The following LNPEP variants were observed in gnomAD, a reference collection of about 807,000 sequenced individuals.
LNPEP encodes the protein leucyl and cystinyl aminopeptidase, also known as leucyl-cystinyl aminopeptidase.
In LNPEP, 64 loss-of-function variants were observed where a neutral mutation model predicts 120.6. The observed-to-expected ratio is 0.53, with a 90% CI of 0.43 to 0.65. LNPEP has a LOEUF of 0.65. Ranked by LOEUF, LNPEP falls within the 30% of genes least tolerant of loss-of-function variation. The pLI is 0.00. For synonymous variants in LNPEP, 435 were observed against 425.4 expected, an observed-to-expected ratio of 1.02 and a Z score of -0.28; for missense variants, 1,057 against 1,200.0, an observed-to-expected ratio of 0.88 and a Z score of 1.76.
Position 96,979,119 on chromosome 5 carries a change from T to C in LNPEP, c.20-19T>C. The C allele has an allele frequency of 6.4e-7, 1 of 1,569,948 alleles. No individual in the cohort carries two copies. Among genetic ancestry groups the C allele is most frequent in the Non-Finnish European group, 8.6e-7 (1 of 1,160,518 alleles). On this transcript the variant is annotated intron_variant, in intron 1 of 17. Coordinates refer to ENST00000231368, the MANE Select transcript of LNPEP (RefSeq NM_005575.3). ...TTTTTTCTAACTCTGTGCCTTGTTC[T>C]TATGTTTTGGTTTTTTAGATCGGCT...
chr5:97,019,738 T>A (rs1011203524), intron 13 of LNPEP, among the ~76,000 whole-genome samples: 1 of 152,188 alleles, frequency 6.6e-6, no homozygotes, highest in African/African-American at 2.4e-5. Context: ...ATTTTTTTTT[T>A]AAATAAGATT....
In LNPEP at chr5:97,026,601, C is replaced by G. The variant is rs1791345961; in HGVS notation, c.2724-16C>G. ...TGAATAATAATTTTGGAGGCTAAATCTGCTTTGCTCTTCAGGTTAATGAAA... is the reference window on the plus strand; with the variant it reads ...TGAATAATAATTTTGGAGGCTAAATGTGCTTTGCTCTTCAGGTTAATGAAA... On this transcript the variant is annotated splice_polypyrimidine_tract_variant and intron_variant, in intron 15 of 17. Transcript: ENST00000231368. 1 of 1,602,252 alleles carries G rather than the reference C, an allele frequency of 6.2e-7. No individual in the cohort carries two copies. Among genetic ancestry groups the G allele is most frequent in the East Asian group, 2.2e-5 (1 of 44,774 alleles).
chr5:96,996,429 C>A lies in LNPEP; in HGVS notation c.1447C>A (p.Leu483Ile), dbSNP rs199746447. The change falls in exon 7 of 18, where the codon CTA becomes ATA. Residue 483 changes from leucine to isoleucine, a missense_variant. Transcript: ENST00000231368. ...NLVTMKWWND[L>I]WLNEGFATFM... Reference sequence around the variant, plus strand: ...GGTAACAATGAAGTGGTGGAATGACCTATGGCTAAATGAAGGTTTTGCCAC... The same window carrying A: ...GGTAACAATGAAGTGGTGGAATGACATATGGCTAAATGAAGGTTTTGCCAC... 1.6e-5 allele frequency: 26 copies of A among 1,611,940 alleles called. No individual in the cohort carries two copies. The East Asian group carries it at 5.6e-4, about 35-fold the overall frequency.
intron 8 of LNPEP, among the ~76,000 whole-genome samples, chr5:97,002,257 G>A (rs1267456456): frequency 6.6e-6 from 1 of 152,182 alleles, no homozygotes; most frequent in Non-Finnish European, 1.5e-5. Flanking sequence ...CTTTTGAGGA[G>A]TTTTACTACA....
intron 1 of LNPEP, among the ~76,000 whole-genome samples, chr5:96,952,781 A>G (rs1426123437): frequency 6.9e-6 from 1 of 145,026 alleles, no homozygotes; most frequent in Admixed American, 6.9e-5. Flanking sequence ...CCAACACCCC[A>G]GCCCCTCAAC....
At chr5:97,016,730 A>AT (rs907149621) in intron 13 of LNPEP, among the ~76,000 whole-genome samples, 13 of 152,014 alleles carry the variant, frequency 8.6e-5, no homozygotes, top group East Asian at 3.8e-4. Flanking sequence ...AACTTAAGAG[A>AT]TTTTTTTTAT....
At chr5:96,996,830 T>C (rs566057451) in intron 7 of LNPEP, among the ~76,000 whole-genome samples, 1 of 152,200 alleles carries the variant, frequency 6.6e-6, no homozygotes, top group East Asian at 1.9e-4. Context: ...AGTTGCAAAG[T>C]CTAATTAAAA....
Position 96,985,169 on chromosome 5 carries a change from T to A in LNPEP, c.950T>A (p.Ile317Asn). 6.2e-7 allele frequency: 1 copy of A among 1,613,916 alleles called. No homozygotes were observed. Among genetic ancestry groups the A allele is most frequent in the Non-Finnish European group, 8.5e-7 (1 of 1,179,844 alleles). ...DEPAFKATFI[I>N]KIIRDEQYTA... is the part of the protein sequence containing the mutation. Reference sequence around the variant, plus strand: ...CCAGCATTTAAAGCCACTTTTATCATCAAGATCATAAGGGATGAGCAATAC... The same window carrying A: ...CCAGCATTTAAAGCCACTTTTATCAACAAGATCATAAGGGATGAGCAATAC... Residue 317 changes from isoleucine (I) to asparagine (N), a missense_variant, in exon 3 of 18, where the codon ATC becomes AAC. Coordinates refer to ENST00000231368, the MANE Select transcript of LNPEP (RefSeq NM_005575.3).
chr5:97,003,491 A>G lies in LNPEP; in HGVS notation c.1730A>G (p.His577Arg), dbSNP rs756373927. 25 of 1,608,224 alleles carry G rather than the reference A, an allele frequency of 1.6e-5. No individual in the cohort carries two copies. The highest frequency in any genetic ancestry group is 2.1e-5 in the Non-Finnish European group (25 of 1,176,082). The stretch of plus-strand genomic sequence containing the variant: ...CAACATGCTGTTGTCCTTTACCTGC[A>G]TAATCACAGCTATGCATCTATTCAA... ...VFQHAVVLYLHNHSYASIQSD... is the reference protein window; with the variant it reads ...VFQHAVVLYLRNHSYASIQSD... The change falls in exon 9 of 18, where the codon CAT becomes CGT. Residue 577 changes from histidine (H) to arginine (R), a missense_variant. By Grantham distance (29) the His-to-Arg change is conservative. Transcript: ENST00000231368.
intron 11 of LNPEP, among the ~76,000 whole-genome samples, chr5:97,008,827 G>C (rs1244404170): frequency 6.6e-6 from 1 of 151,826 alleles, no homozygotes; most frequent in African/African-American, 2.4e-5. Flanking sequence ...ACCATGCCCG[G>C]CTAATTTTTT....
At chr5:97,019,874 G>C (rs538061721) in intron 13 of LNPEP, among the ~76,000 whole-genome samples, 3 of 152,280 alleles carry the variant, frequency 2.0e-5, no homozygotes, top group Admixed American at 2.0e-4. Context: ...TATTGAGAAG[G>C]TAAGGCCAGT....
chr5:97,008,688 A>G (rs1251045386), intron 11 of LNPEP, among the ~76,000 whole-genome samples: 6 of 93,724 alleles, frequency 6.4e-5, no homozygotes, highest in East Asian at 3.4e-4. Context: ...TTTTTGAGAC[A>G]GAGTCTCGCT....
chr5:96,962,150 C>T (rs950884100), intron 1 of LNPEP, among the ~76,000 whole-genome samples: 2 of 152,152 alleles, frequency 1.3e-5, no homozygotes, highest in African/African-American at 4.8e-5. Context: ...AGAGGTGGCT[C>T]TGTGACCCCC....
Position 97,034,085 on chromosome 5 carries a change from C to T in LNPEP, c.*5552C>T, listed in dbSNP as rs896702870. 6 of 152,150 alleles carry T rather than the reference C, an allele frequency of 3.9e-5. No homozygotes were observed. The highest frequency in any genetic ancestry group is 4.2e-4 in the South Asian group (2 of 4,818). The allele number at this position is 152,150 out of a possible 1,614,324, so 9.4% of individuals were successfully genotyped here. A position where few individuals can be genotyped will look rare whatever the true frequency, so the allele number is the denominator to read the frequency against. Reference sequence around the variant, plus strand: ...GGGTACCTAATGAAACGTGGAGGTCCGGATGTATGAAAATCTCCTCTTTTC... The same window carrying T: ...GGGTACCTAATGAAACGTGGAGGTCTGGATGTATGAAAATCTCCTCTTTTC... On this transcript the variant is annotated 3_prime_UTR_variant, in exon 18 of 18. Transcript: ENST00000231368.
rs528767378 is a variant in LNPEP, at chr5:96,999,835, G to A, written c.1653+1690G>A. On this transcript the variant is annotated intron_variant, in intron 8 of 17. Transcript: ENST00000231368. Reference sequence around the variant, plus strand: ...TATTCTGTGTAATTAAGAGAAGTGGGATACTAGATAACTTATCAGTATTGT... The same window carrying A: ...TATTCTGTGTAATTAAGAGAAGTGGAATACTAGATAACTTATCAGTATTGT... 2.0e-5 allele frequency among the ~76,000 whole-genome samples: 3 copies of A among 151,652 alleles called. No homozygotes were observed. The South Asian group carries it at 6.3e-4, about 32-fold the overall frequency.
At position 97,003,446 on chromosome 5, in the gene LNPEP, A is replaced by T. The variant is rs1467219525; in HGVS notation, c.1685A>T (p.Tyr562Phe). The T allele has an allele frequency of 1.3e-6, 2 of 1,586,372 alleles. No individual in the cohort carries two copies. Among genetic ancestry groups the T allele is most frequent in the African/African-American group, 2.7e-5 (2 of 73,846 alleles). ...TCTCTCTTGTTGATGTTGAAAACTT[A>T]CCTTAGTGAAGATGTGTTTCAACAT... ...GSSLLLMLKT[Y>F]LSEDVFQHAV... The change falls in exon 9 of 18, where the codon TAC (tyrosine) becomes TTC (phenylalanine). Residue 562 changes from tyrosine to phenylalanine, a missense_variant. Coordinates refer to ENST00000231368, the MANE Select transcript of LNPEP (RefSeq NM_005575.3).
chr5:96,973,905 T>C (rs1789931423), intron 1 of LNPEP, among the ~76,000 whole-genome samples: 1 of 152,044 alleles, frequency 6.6e-6, no homozygotes, highest in Non-Finnish European at 1.5e-5. Flanking sequence ...TATCCCTCAA[T>C]TGATGACTTG....
At chr5:97,014,408 T>G (rs1254103911) in intron 12 of LNPEP, among the ~76,000 whole-genome samples, 1 of 152,192 alleles carries the variant, frequency 6.6e-6, no homozygotes, top group Non-Finnish European at 1.5e-5. Flanking sequence ...TCTCGTTTTT[T>G]ATGAAGTGCC....
rs1423370666 is a variant in LNPEP at position 96,989,290 on chromosome 5, AT to A, written c.1131+2623del. Among the ~76,000 whole-genome samples the A allele has an allele frequency of 9.7e-4, 113 of 116,470 alleles. No individual in the cohort carries two copies. In the Middle Eastern group the frequency reaches 0.012, roughly 12 times the overall value. The allele number at this position is 116,470 out of a possible 152,430, so 76.4% of individuals were successfully genotyped here. A position where few individuals can be genotyped will look rare whatever the true frequency, so the allele number is the denominator to read the frequency against. The stretch of plus-strand genomic sequence containing the variant: ...TGATATATATATTATATAATATATA[AT>A]TTATATATAATATATTGTATATTAT... On this transcript the variant is annotated intron_variant, in intron 4 of 17. Transcript: ENST00000231368.
Sources: gnomAD v4.1 joint callset for allele counts (sites outside exome capture counted in the v4.1 genomes callset) on GRCh38, gnomAD v4.1.1 for gene constraint, MANE v1.5 for transcripts, NCBI Gene and HGNC (gene_info 2026-07-23, HGNC 2026-07-21) for gene names.